CADPS2: variants seen among roughly 807,000 people sequenced by gnomAD.
CADPS2 encodes the protein calcium dependent secretion activator 2, also known as calcium-dependent secretion activator 2.
CADPS2 carries 93 observed loss-of-function variants against 172.5 expected under a neutral mutation model. The observed-to-expected ratio is 0.54, with a 90% confidence interval of 0.46 to 0.64. The LOEUF is 0.64. Among genes scored for constraint, CADPS2 ranks in the 30% least tolerant of loss-of-function variants. The pLI is 0.00. For synonymous variants in CADPS2, 546 were observed against 555.2 expected, an observed-to-expected ratio of 0.98 and a Z score of 0.23; for missense variants, 1,420 against 1,565.9, an observed-to-expected ratio of 0.91 and a Z score of 1.57.
intron 2 of CADPS2, among the ~76,000 whole-genome samples, chr7:122,717,765 G>C (rs918680962): frequency 6.6e-6 from 1 of 151,968 alleles, no homozygotes; most frequent in Non-Finnish European, 1.5e-5. Context: ...GAAAAATATT[G>C]AAATACAACT....
intron 1 of CADPS2, among the ~76,000 whole-genome samples, chr7:122,819,650 T>C (rs925162311): frequency 6.6e-6 from 1 of 152,096 alleles, no homozygotes; most frequent in African/African-American, 2.4e-5. Flanking sequence ...GCACTCCTTT[T>C]TAGTTATCCC....
intron 17 of CADPS2, among the ~76,000 whole-genome samples, chr7:122,423,232 G>A (rs1321224087): frequency 4.6e-5 from 7 of 152,106 alleles, no homozygotes; most frequent in Non-Finnish European, 1.5e-5. Context: ...TAGGCTCCAG[G>A]AGGTCAATCC....
At chr7:122,422,460 C>T (rs929998550) in intron 17 of CADPS2, among the ~76,000 whole-genome samples, 2 of 152,098 alleles carry the variant, frequency 1.3e-5, no homozygotes, top group African/African-American at 4.8e-5. Context: ...CTTCCTTTTC[C>T]CTCTCCCCAC....
chr7:122,597,433 TC>T (rs1168168329), intron 6 of CADPS2, among the ~76,000 whole-genome samples: 2 of 152,052 alleles, frequency 1.3e-5, no homozygotes, highest in Non-Finnish European at 2.9e-5. Context: ...CATGTTGAAA[TC>T]CCAACTCCCC....
In CADPS2 at chr7:122,490,135, G is replaced by A; in HGVS notation, c.1798C>T (p.Gln600Ter). The part of the protein sequence containing the change: ...GQSYKPVPAI[Q>*]TQKLNPKGGT... ...CCTTTAGGATTCAGTTTCTGGGTTT[G>A]AATTGCAGGAACTGGTTTATATGAT... Residue 600 changes from glutamine to a stop codon, truncating the protein, a stop_gained, in exon 11 of 30, where the codon CAA becomes TAA. Transcript: ENST00000449022. LOFTEE classifies it high-confidence loss of function. The A allele has an allele frequency of 6.2e-7, 1 of 1,613,480 alleles. No homozygotes were observed. Among genetic ancestry groups the A allele is most frequent in the Non-Finnish European group, 8.5e-7 (1 of 1,179,576 alleles).
chr7:122,746,607 G>A (rs2092725202), intron 1 of CADPS2, among the ~76,000 whole-genome samples: 1 of 147,782 alleles, frequency 6.8e-6, no homozygotes, highest in Non-Finnish European at 1.5e-5. Context: ...ACTAACGACA[G>A]CTGATGAGCT....
intron 14 of CADPS2, among the ~76,000 whole-genome samples, chr7:122,457,533 A>G (rs1437436107): frequency 6.6e-6 from 1 of 152,166 alleles, no homozygotes; most frequent in Non-Finnish European, 1.5e-5. Context: ...CAAATTACGC[A>G]ACCCTTTTGG....
chr7:122,378,155 G>A (rs1295220190), intron 25 of CADPS2, among the ~76,000 whole-genome samples: 9 of 152,008 alleles, frequency 5.9e-5, no homozygotes, highest in Non-Finnish European at 1.0e-4. Flanking sequence ...TAATACAGAT[G>A]TCCCATAATT....
chr7:122,728,631 C>T (rs1017452028), intron 2 of CADPS2, among the ~76,000 whole-genome samples: 2 of 151,786 alleles, frequency 1.3e-5, no homozygotes, highest in Middle Eastern at 3.4e-3. Context: ...TGCAAGAATA[C>T]CTAGGATAAA....
intron 8 of CADPS2, among the ~76,000 whole-genome samples, chr7:122,537,530 A>C (rs539933629): frequency 2.4e-4 from 37 of 151,944 alleles, no homozygotes; most frequent in Admixed American, 1.0e-3. Context: ...TAGAAAAAAA[A>C]CTTTTCCTTG....
chr7:122,519,934 T>A (rs113021488), intron 8 of CADPS2, among the ~76,000 whole-genome samples: 3,109 of 152,104 alleles, frequency 0.02, 110 homozygotes, highest in African/African-American at 0.071. Flanking sequence ...TAGTATATTT[T>A]AAAAATCTTC....
At chr7:122,741,693 G>A (rs1254056449) in intron 1 of CADPS2, among the ~76,000 whole-genome samples, 3 of 152,096 alleles carry the variant, frequency 2.0e-5, no homozygotes, top group Non-Finnish European at 4.4e-5. Flanking sequence ...TCAGATTCCA[G>A]TTGGGCCTAT....
intron 1 of CADPS2, among the ~76,000 whole-genome samples, chr7:122,793,031 C>T (rs558032896): frequency 6.6e-6 from 1 of 152,248 alleles, no homozygotes; most frequent in South Asian, 2.1e-4. Context: ...CATATCATTA[C>T]ATGCACTAAA....
At chr7:122,383,401 G>A (rs1361692192) in intron 24 of CADPS2, among the ~76,000 whole-genome samples, 1 of 152,022 alleles carries the variant, frequency 6.6e-6, no homozygotes, top group East Asian at 1.9e-4. Context: ...ATACCCAGGT[G>A]TAACAAAACT....
intron 10 of CADPS2, 55 bp downstream of exon 10, chr7:122,491,257 A>G (rs1413754724): frequency 2.6e-6 from 3 of 1,145,330 alleles, no homozygotes; most frequent in Admixed American, 2.3e-5. Flanking sequence ...AAGGATATTT[A>G]TAAGAATTCC....
At chr7:122,635,997 C>T (rs561433765) in intron 3 of CADPS2, among the ~76,000 whole-genome samples, 6 of 152,248 alleles carry the variant, frequency 3.9e-5, no homozygotes, top group African/African-American at 1.2e-4. Flanking sequence ...TGTCATTACA[C>T]GTGAGATGCC....
rs78133124 is a variant in CADPS2, at chr7:122,436,328, T to C, written c.2476+2013A>G. The C allele has an allele frequency of 1.5e-5, 19 of 1,237,380 alleles. No individual in the cohort carries two copies. The Admixed American group carries it at 1.7e-4, about 11-fold the overall frequency. 76.7% of individuals were successfully genotyped at this position (1,237,380 alleles called of 1,614,324 possible). On this transcript the variant is annotated intron_variant, in intron 17 of 29. Transcript: ENST00000449022. ...AAATATCACACCACCACATGAGAAA[T>C]AATGGCTTGTGCATGCAGAAATATT...
At chr7:122,437,538 C>T (rs2050782308) in intron 17 of CADPS2, among the ~76,000 whole-genome samples, 1 of 151,906 alleles carries the variant, frequency 6.6e-6, no homozygotes, top group African/African-American at 2.4e-5. Context: ...CTTTTATTTT[C>T]AGGTAAGAAA....
chr7:122,660,128 T>G (rs1235153461), intron 3 of CADPS2, among the ~76,000 whole-genome samples: 1 of 152,166 alleles, frequency 6.6e-6, no homozygotes, highest in Non-Finnish European at 1.5e-5. Context: ...TTCTTATTTT[T>G]AATTGAGCTA....
Sources: allele counts gnomAD v4.1 joint callset (sites outside exome capture counted in the v4.1 genomes callset), GRCh38; gene constraint gnomAD v4.1.1; transcripts MANE v1.5; gene names NCBI Gene and HGNC (gene_info 2026-07-23, HGNC 2026-07-21).